Variants in LTBP1 observed in about 807,000 individuals in gnomAD.
LTBP1 encodes latent-transforming growth factor beta-binding protein 1.
LTBP1 carries 129 observed loss-of-function variants against 207.6 expected under a neutral mutation model. The observed-to-expected ratio is 0.62, with a 90% CI of 0.54 to 0.72. The LOEUF (loss-of-function observed/expected upper bound fraction) is 0.72, where lower values mean the gene tolerates loss of function less well. Among genes scored for constraint, LTBP1 ranks in the 30% least tolerant of loss-of-function variants. The probability of loss-of-function intolerance (pLI) is 0.00; values close to 1 mark genes in which losing one functional copy is unlikely to be tolerated. For missense variants in LTBP1, 2,281 were observed against 2,217.2 expected (o/e 1.03, Z -0.58); for synonymous variants, 963 against 833.7 (o/e 1.16, Z -2.67).
At chr2:33,272,578 G>A (rs2093345107) in intron 15 of LTBP1, among the ~76,000 whole-genome samples, 2 of 152,152 alleles carry the variant, frequency 1.3e-5, no homozygotes, top group African/African-American at 4.8e-5. Context: ...GGCTACATGC[G>A]TTATTTAGAG....
intron 5 of LTBP1, among the ~76,000 whole-genome samples, chr2:33,145,849 G>T (rs546440209): frequency 6.6e-6 from 1 of 152,252 alleles, no homozygotes; most frequent in East Asian, 1.9e-4. Flanking sequence ...AAAGTCTAAA[G>T]GCTGAAAATA....
At chr2:33,295,097 TTC>T (rs1201938510) in intron 20 of LTBP1, among the ~76,000 whole-genome samples, 8 of 152,204 alleles carry the variant, frequency 5.3e-5, no homozygotes, top group African/African-American at 1.9e-4. Context: ...CCTTTAGCGA[TTC>T]TCTGAACACT....
At chr2:33,397,417 A>AT in intron 33 of LTBP1, 135 bp downstream of exon 33, 2 of 837,974 alleles carry the variant, frequency 2.4e-6, no homozygotes, top group Non-Finnish European at 3.8e-6. Context: ...ATGTACATTA[A>AT]GTACAGTATG....
chr2:33,176,177 A>G (rs1258236503), intron 5 of LTBP1, among the ~76,000 whole-genome samples: 2 of 151,972 alleles, frequency 1.3e-5, no homozygotes, highest in Non-Finnish European at 2.9e-5. Context: ...AAAAAAATAG[A>G]AAATAAATAA....
chr2:33,216,583 A>G (rs1288122107), intron 7 of LTBP1, among the ~76,000 whole-genome samples: 6 of 152,162 alleles, frequency 3.9e-5, no homozygotes, highest in Non-Finnish European at 5.9e-5. Flanking sequence ...CAACTCTGGA[A>G]ACTGTTGGGA....
intron 10 of LTBP1, among the ~76,000 whole-genome samples, chr2:33,251,031 TAG>T (rs2092669139): frequency 6.6e-6 from 1 of 152,152 alleles, no homozygotes; most frequent in Non-Finnish European, 1.5e-5. Flanking sequence ...GCAAGCCACG[TAG>T]AGACCCAAGA....
chr2:33,362,302 A>G (rs1364753534), intron 28 of LTBP1, among the ~76,000 whole-genome samples: 1 of 152,178 alleles, frequency 6.6e-6, no homozygotes, highest in Non-Finnish European at 1.5e-5. Flanking sequence ...ATAATATGGT[A>G]TAATTCAGTA....
intron 5 of LTBP1, among the ~76,000 whole-genome samples, chr2:33,152,485 A>T (rs1213613649): frequency 6.6e-6 from 1 of 152,258 alleles, no homozygotes; most frequent in Non-Finnish European, 1.5e-5. Context: ...AAACTAGTAT[A>T]GCCACTATAG....
intron 2 of LTBP1, among the ~76,000 whole-genome samples, chr2:32,997,381 A>T (rs1558492264): frequency 6.6e-6 from 1 of 152,312 alleles, no homozygotes; most frequent in East Asian, 1.9e-4. Context: ...ATAGTAGGGC[A>T]TGCCTGTAGT....
chr2:33,397,503 A>ATTTTTTTTTTTTTTTTTTTTTTTTTTTT (rs1459402012), intron 33 of LTBP1, among the ~76,000 whole-genome samples: 1 of 77,892 alleles, frequency 1.3e-5, no homozygotes, highest in African/African-American at 5.0e-5. Context: ...TTTTACCACA[A>ATTTTTTTTTTTTTTTTTTTTTTTTTTTT]TTCTTTTTTT....
intron 3 of LTBP1, chr2:33,061,285 T>G (rs770176836): frequency 1.3e-4 from 20 of 152,322 alleles, no homozygotes; most frequent in Non-Finnish European, 2.6e-4. Flanking sequence ...ATAAACACTT[T>G]GTCATGCATG....
intron 7 of LTBP1, among the ~76,000 whole-genome samples, chr2:33,208,499 C>T (rs180989592): frequency 7.2e-4 from 110 of 152,270 alleles, no homozygotes; most frequent in African/African-American, 2.6e-3. Flanking sequence ...GAGGAAAAGG[C>T]AGCCCATTAT....
At chr2:33,086,609 G>A (rs1175470211) in intron 3 of LTBP1, among the ~76,000 whole-genome samples, 1 of 152,198 alleles carries the variant, frequency 6.6e-6, no homozygotes, top group African/African-American at 2.4e-5. Context: ...TGCAACTAGT[G>A]AACACAGGGT....
intron 4 of LTBP1, among the ~76,000 whole-genome samples, chr2:33,131,766 A>G (rs923215024): frequency 1.3e-5 from 2 of 152,254 alleles, no homozygotes; most frequent in East Asian, 1.9e-4. Flanking sequence ...AGATGTGAAC[A>G]TTGTAAAAAT....
At chr2:33,098,496 G>A (rs894910556) in intron 3 of LTBP1, among the ~76,000 whole-genome samples, 10 of 152,004 alleles carry the variant, frequency 6.6e-5, no homozygotes, top group South Asian at 2.1e-4. Context: ...GCAGTGGTGC[G>A]ATCTCGGCTC....
At chr2:33,035,261 A>G (rs1339816386) in intron 3 of LTBP1, among the ~76,000 whole-genome samples, 1 of 152,236 alleles carries the variant, frequency 6.6e-6, no homozygotes, top group African/African-American at 2.4e-5. Context: ...TTAGTTCTAA[A>G]TGACACATAA....
rs565933226 is a variant in LTBP1 at position 33,166,936 on chromosome 2, T to G, written c.1202-19920T>G. On this transcript the variant is annotated intron_variant, in intron 5 of 33. Transcript: ENST00000404816. ...AAAATTACCTCCATGTAACTGACTT[T>G]CCAAATTAACCAACACCCTCTACTC... is the stretch of plus-strand genomic sequence containing the variant. Among the ~76,000 whole-genome samples the G allele has an allele frequency of 9.2e-5, 14 of 152,256 alleles. No individual in the cohort carries two copies. In the East Asian group the frequency reaches 2.7e-3, roughly 29 times the overall value.
chr2:33,363,621 T>G, intron 29 of LTBP1, 103 bp downstream of exon 29: 1 of 1,304,618 alleles, frequency 7.7e-7, no homozygotes, highest in Non-Finnish European at 1.0e-6. Flanking sequence ...CTAAATCATG[T>G]GTTGAAAAGA....
At chr2:32,983,991 C>G (rs1422013135) in intron 2 of LTBP1, among the ~76,000 whole-genome samples, 1 of 152,200 alleles carries the variant, frequency 6.6e-6, no homozygotes, top group Non-Finnish European at 1.5e-5. Flanking sequence ...TAATTTTCAT[C>G]TAAGACACTT....
Sources: gnomAD v4.1 joint callset for allele counts (sites outside exome capture counted in the v4.1 genomes callset) on GRCh38, gnomAD v4.1.1 for gene constraint, MANE v1.5 for transcripts, NCBI Gene and HGNC (gene_info 2026-07-23, HGNC 2026-07-21) for gene names.